Variants in DLGAP1 observed in about 807,000 individuals in gnomAD.
The protein encoded by DLGAP1 is disks large-associated protein 1.
DLGAP1 carries 11 observed loss-of-function variants against 90.8 expected under a neutral mutation model. The observed-to-expected ratio is 0.12, with a 90% CI of 0.08 to 0.20. The LOEUF is 0.20. Among genes scored for constraint, DLGAP1 ranks in the 10% least tolerant of loss-of-function variants. The pLI, the probability that DLGAP1 is intolerant of heterozygous loss-of-function variation, is 1.00. For synonymous variants in DLGAP1, 558 were observed against 540.7 expected (o/e 1.03, Z -0.44); for missense variants, 1,050 against 1,333.8 (o/e 0.79, Z 3.31).
intron 2 of DLGAP1, among the ~76,000 whole-genome samples, chr18:4,087,104 CTA>C (rs1443257535): frequency 5.0e-5 from 4 of 80,200 alleles, no homozygotes; most frequent in African/African-American, 1.5e-4. Context: ...TATATATGTG[CTA>C]TATATATATA....
At chr18:4,440,813 G>A (rs1334820326) in intron 1 of DLGAP1, among the ~76,000 whole-genome samples, 1 of 152,184 alleles carries the variant, frequency 6.6e-6, no homozygotes, top group Non-Finnish European at 1.5e-5. Context: ...AGAAGGCAGG[G>A]ATGCTTACAT....
intron 1 of DLGAP1, among the ~76,000 whole-genome samples, chr18:4,236,861 A>G (rs1468494785): frequency 6.6e-6 from 1 of 152,196 alleles, no homozygotes; most frequent in Non-Finnish European, 1.5e-5. Flanking sequence ...CTTCATTTTA[A>G]TTTAGCAAAC....
At chr18:3,869,012 T>C (rs898059746) in intron 4 of DLGAP1, among the ~76,000 whole-genome samples, 28 of 152,142 alleles carry the variant, frequency 1.8e-4, no homozygotes, top group African/African-American at 6.8e-4. Flanking sequence ...GTGATGATGG[T>C]GGATAGAGTT....
chr18:3,647,918 T>C (rs1030105949), intron 7 of DLGAP1, among the ~76,000 whole-genome samples: 4 of 152,236 alleles, frequency 2.6e-5, no homozygotes, highest in South Asian at 2.1e-4. Flanking sequence ...TCCTATATAC[T>C]GTTCTATACT....
intron 1 of DLGAP1, among the ~76,000 whole-genome samples, chr18:4,445,337 T>C (rs1359731810): frequency 2.0e-5 from 3 of 151,876 alleles, no homozygotes; most frequent in Admixed American, 2.0e-4. Context: ...AGGGTACATG[T>C]GCACCTTATG....
rs753784634 is a variant in DLGAP1 at position 3,879,889 on chromosome 18, G to A, written c.180C>T (p.Pro60=). 2 of 1,611,848 alleles carry A rather than the reference G, an allele frequency of 1.2e-6. No homozygotes were observed. Among genetic ancestry groups the A allele is most frequent in the Admixed American group, 1.7e-5 (1 of 60,008 alleles). The change falls in exon 4 of 13, where the codon CCC becomes CCT. Residue 60 remains proline (P), a synonymous_variant. Transcript: ENST00000315677. The surrounding 1 kb of genome is among the most constrained non-coding windows in gnomAD (Gnocchi z 6.6). The stretch of plus-strand genomic sequence containing the variant: ...TGCTGCTGGCCAGCGGGTCGCTGAA[G>A]GGGCCCACGCACTCAGCCTGGAAGG... ...RNSFQAECVG[P]FSDPLASSTF... is the part of the protein sequence containing the mutation.
chr18:4,319,388 T>C (rs1421013361), intron 1 of DLGAP1, among the ~76,000 whole-genome samples: 2 of 152,234 alleles, frequency 1.3e-5, no homozygotes, highest in Admixed American at 6.5e-5. Flanking sequence ...TGTCTAATTA[T>C]GCTAAACAAC....
chr18:3,930,274 T>G (rs551536051), intron 3 of DLGAP1, among the ~76,000 whole-genome samples: 1 of 152,210 alleles, frequency 6.6e-6, no homozygotes, highest in Non-Finnish European at 1.5e-5. Context: ...AAAACAACCC[T>G]AAGTACAAGT....
intron 3 of DLGAP1, among the ~76,000 whole-genome samples, chr18:3,973,039 T>C (rs762007966): frequency 2.0e-5 from 3 of 152,214 alleles, no homozygotes; most frequent in Non-Finnish European, 4.4e-5. Flanking sequence ...TTGTGTCTAA[T>C]AGCTAATTTA....
chr18:3,525,411 T>C (rs998346284), intron 10 of DLGAP1, among the ~76,000 whole-genome samples: 7 of 152,230 alleles, frequency 4.6e-5, no homozygotes, highest in Admixed American at 4.6e-4. Flanking sequence ...TTTTTTAATT[T>C]ATTTTCGACA....
chr18:4,320,258 G>A (rs564368061), intron 1 of DLGAP1, among the ~76,000 whole-genome samples: 12 of 152,246 alleles, frequency 7.9e-5, no homozygotes, highest in African/African-American at 2.2e-4. Flanking sequence ...TAAGGGAAGT[G>A]ACCATAACAA....
At chr18:3,921,931 G>A (rs1020599609) in intron 3 of DLGAP1, among the ~76,000 whole-genome samples, 3 of 152,162 alleles carry the variant, frequency 2.0e-5, no homozygotes, top group African/African-American at 7.2e-5. Context: ...AGTTCAGGAA[G>A]AGTGCTCTAT....
chr18:3,503,016 T>A (rs1487650984), intron 11 of DLGAP1, among the ~76,000 whole-genome samples: 2 of 152,180 alleles, frequency 1.3e-5, no homozygotes, highest in Non-Finnish European at 2.9e-5. Context: ...TGTATTATTA[T>A]TAGAGTTTGT....
At chr18:3,557,727 G>C (rs564389020) in intron 9 of DLGAP1, among the ~76,000 whole-genome samples, 1 of 151,850 alleles carries the variant, frequency 6.6e-6, no homozygotes, top group South Asian at 2.1e-4. Context: ...ATTTGTTCAT[G>C]ACCAGCCTGG....
intron 1 of DLGAP1, among the ~76,000 whole-genome samples, chr18:4,321,917 C>T (rs1205038546): frequency 3.3e-5 from 5 of 151,780 alleles, no homozygotes; most frequent in Non-Finnish European, 7.4e-5. Flanking sequence ...ATATTACAGG[C>T]TGGGTGAGGG....
At chr18:4,225,640 T>C (rs761408453) in intron 1 of DLGAP1, among the ~76,000 whole-genome samples, 1 of 147,844 alleles carries the variant, frequency 6.8e-6, no homozygotes, top group Non-Finnish European at 1.5e-5. Flanking sequence ...CAGAAAAAAG[T>C]TGAAAATGCA....
intron 9 of DLGAP1, among the ~76,000 whole-genome samples, chr18:3,554,654 C>G (rs1240323750): frequency 6.6e-6 from 1 of 152,112 alleles, no homozygotes; most frequent in East Asian, 1.9e-4. Flanking sequence ...CATTTCAACT[C>G]CTGTTATTGA....
rs140281945 is a variant in DLGAP1 at position 3,657,419 on chromosome 18, T to C, written c.1591+71716A>G. ...AATTTCATCTTTCCTGCATAACCAATGGTGTCTGGTCCAACGTTGAGTAAG... is the reference window on the plus strand; with the variant it reads ...AATTTCATCTTTCCTGCATAACCAACGGTGTCTGGTCCAACGTTGAGTAAG... On this transcript the variant is annotated intron_variant, in intron 7 of 12. Coordinates refer to ENST00000315677, the MANE Select transcript of DLGAP1 (RefSeq NM_004746.4). Among the ~76,000 whole-genome samples the C allele has an allele frequency of 9.8e-5, 15 of 152,308 alleles. No homozygotes were observed. In the East Asian group the frequency reaches 2.5e-3, roughly 25 times the overall value.
intron 4 of DLGAP1, among the ~76,000 whole-genome samples, chr18:3,820,748 T>C (rs1196936364): frequency 1.3e-5 from 2 of 152,214 alleles, no homozygotes; most frequent in Non-Finnish European, 2.9e-5. Context: ...CTAGGGGCAG[T>C]GCCTATGTTA....
Sources: gnomAD v4.1 joint callset for allele counts (sites outside exome capture counted in the v4.1 genomes callset) on GRCh38, gnomAD v4.1.1 for gene constraint, Gnocchi (gnomAD v3.1) non-coding constraint, MANE v1.5 for transcripts, NCBI Gene and HGNC (gene_info 2026-07-23, HGNC 2026-07-21) for gene names.